The following TRPC4 variants were observed in gnomAD, a reference collection of about 807,000 sequenced individuals.
The protein encoded by TRPC4 is short transient receptor potential channel 4.
In TRPC4, 49 loss-of-function variants were observed where a neutral mutation model predicts 99.4. The observed-to-expected ratio is 0.49, with a 90% CI of 0.39 to 0.63. The LOEUF is 0.63. Ranked by LOEUF, TRPC4 falls within the 20% of genes least tolerant of loss-of-function variation. The pLI is 0.00. For synonymous variants in TRPC4, 454 were observed against 425.9 expected (o/e 1.07, Z -0.81); for missense variants, 898 against 1,152.9 (o/e 0.78, Z 3.20).
At chr13:37,833,114 T>C (rs1381723640) in intron 1 of TRPC4, among the ~76,000 whole-genome samples, 1 of 152,174 alleles carries the variant, frequency 6.6e-6, no homozygotes, top group African/African-American at 2.4e-5. Context: ...TTGGTGCTTT[T>C]GCTTCACAGA....
chr13:37,670,810 T>G (rs1398575158), intron 5 of TRPC4, among the ~76,000 whole-genome samples: 1 of 152,174 alleles, frequency 6.6e-6, no homozygotes, highest in Non-Finnish European at 1.5e-5. Flanking sequence ...CCAAAATAGA[T>G]AGTGAACTCT....
chr13:37,655,882 C>A (rs966979718), intron 6 of TRPC4, among the ~76,000 whole-genome samples: 1 of 152,034 alleles, frequency 6.6e-6, no homozygotes, highest in African/African-American at 2.4e-5. Context: ...AATGATAGAT[C>A]CCAAATTTTA....
chr13:37,821,532 T>C (rs767324325), intron 1 of TRPC4, among the ~76,000 whole-genome samples: 23 of 152,036 alleles, frequency 1.5e-4, no homozygotes, highest in Non-Finnish European at 2.4e-4. Context: ...AGAACAAAAC[T>C]GAAGGCATCA....
chr13:37,845,901 A>G (rs1566219043), intron 1 of TRPC4, among the ~76,000 whole-genome samples: 1 of 152,166 alleles, frequency 6.6e-6, no homozygotes, highest in East Asian at 1.9e-4. Flanking sequence ...ATCAAATACA[A>G]AGAAATAATA....
chr13:37,678,580 C>G (rs371179287), intron 4 of TRPC4, among the ~76,000 whole-genome samples: 1 of 151,984 alleles, frequency 6.6e-6, no homozygotes, highest in Admixed American at 6.6e-5. Flanking sequence ...CTGAATAGTC[C>G]TATAGTTATT....
chr13:37,674,808 GTTTCTTT>G, intron 4 of TRPC4, among the ~76,000 whole-genome samples: 1 of 152,098 alleles, frequency 6.6e-6, no homozygotes, highest in Non-Finnish European at 1.5e-5. Context: ...ATCTTGTTGT[GTTTCTTT>G]AAGCAGTTAG....
Position 37,657,960 on chromosome 13 carries a change from T to G in TRPC4, c.1689-2677A>C, listed in dbSNP as rs182838003. ...AAAATATATTTATTTCTCAGAGGAA[T>G]TAAGACCCTGGCCTTAGTGTTTCTC... is the stretch of plus-strand genomic sequence containing the variant. On this transcript the variant is annotated intron_variant, in intron 6 of 10. Coordinates refer to ENST00000379705, the MANE Select transcript of TRPC4 (RefSeq NM_016179.4). Among the ~76,000 whole-genome samples the G allele has an allele frequency of 3.2e-4, 48 of 152,268 alleles. No individual in the cohort carries two copies. The East Asian group carries it at 7.5e-3, about 24-fold the overall frequency.
In TRPC4 at chr13:37,789,530, C is replaced by T. The variant is rs542234189; in HGVS notation, c.-27-6170G>A. Among the ~76,000 whole-genome samples the T allele has an allele frequency of 2.6e-5, 4 of 152,176 alleles. No individual in the cohort carries two copies. The South Asian group carries it at 8.3e-4, about 32-fold the overall frequency. Reference sequence around the variant, plus strand: ...CAGCATTCAAAATTTGTAGGTGAATCAAGGAATTAATGATTATACTCTTAG... The same window carrying T: ...CAGCATTCAAAATTTGTAGGTGAATTAAGGAATTAATGATTATACTCTTAG... On this transcript the variant is annotated intron_variant, in intron 1 of 10. Transcript: ENST00000379705.
At chr13:37,710,970 T>C (rs944717467) in intron 3 of TRPC4, among the ~76,000 whole-genome samples, 14 of 152,144 alleles carry the variant, frequency 9.2e-5, no homozygotes, top group African/African-American at 3.4e-4. Context: ...AGGCAAAGGC[T>C]GATTTTGTAC....
intron 2 of TRPC4, among the ~76,000 whole-genome samples, chr13:37,758,489 T>A (rs972722047): frequency 2.6e-5 from 4 of 151,640 alleles, no homozygotes; most frequent in Non-Finnish European, 5.9e-5. Context: ...AAATTAGAAA[T>A]AAGATGGAAA....
intron 1 of TRPC4, among the ~76,000 whole-genome samples, chr13:37,785,985 T>C (rs1391819911): frequency 6.6e-6 from 1 of 152,066 alleles, no homozygotes; most frequent in Non-Finnish European, 1.5e-5. Context: ...TAGTCAGCAC[T>C]GTAATTAAGA....
At chr13:37,782,624 C>A (rs1187691622) in intron 2 of TRPC4, among the ~76,000 whole-genome samples, 1 of 152,042 alleles carries the variant, frequency 6.6e-6, no homozygotes, top group East Asian at 1.9e-4. Context: ...AACACCCACA[C>A]ATACACATAA....
At chr13:37,758,575 TAAGAAAC>T (rs1005194705) in intron 2 of TRPC4, among the ~76,000 whole-genome samples, 7 of 151,800 alleles carry the variant, frequency 4.6e-5, no homozygotes, top group Non-Finnish European at 8.9e-5. Context: ...AATAAAATAT[TAAGAAAC>T]AAGACAACCT....
chr13:37,750,469 G>A (rs1372899532), intron 2 of TRPC4, among the ~76,000 whole-genome samples: 1 of 152,170 alleles, frequency 6.6e-6, no homozygotes, highest in East Asian at 1.9e-4. Context: ...TATCAAAAAT[G>A]AGTGTTGAAT....
chr13:37,812,732 A>T (rs1957738396), intron 1 of TRPC4, among the ~76,000 whole-genome samples: 1 of 152,256 alleles, frequency 6.6e-6, no homozygotes, highest in Non-Finnish European at 1.5e-5. Context: ...TCCAAATTTG[A>T]TAATAATTGT....
chr13:37,852,626 C>A (rs954849501), intron 1 of TRPC4, among the ~76,000 whole-genome samples: 6 of 152,144 alleles, frequency 3.9e-5, no homozygotes, highest in African/African-American at 1.4e-4. Flanking sequence ...TAGGTACCAG[C>A]TTGCACACAG....
chr13:37,643,410 G>C (rs770989645), intron 8 of TRPC4, among the ~76,000 whole-genome samples: 2 of 152,182 alleles, frequency 1.3e-5, no homozygotes, highest in Non-Finnish European at 2.9e-5. Flanking sequence ...GGGAAGTGCT[G>C]TAAGTGTGAT....
chr13:37,825,397 C>G (rs986504192), intron 1 of TRPC4, among the ~76,000 whole-genome samples: 2 of 151,538 alleles, frequency 1.3e-5, no homozygotes, highest in Admixed American at 1.3e-4. Flanking sequence ...CCTGCTTTCT[C>G]TTGTGGGCAT....
At chr13:37,807,331 A>G (rs970150827) in intron 1 of TRPC4, among the ~76,000 whole-genome samples, 4 of 152,092 alleles carry the variant, frequency 2.6e-5, no homozygotes, top group African/African-American at 9.7e-5. Flanking sequence ...GATTAGAAAT[A>G]GATCATAATT....
Sources: gnomAD v4.1 joint callset for allele counts (sites outside exome capture counted in the v4.1 genomes callset) on GRCh38, gnomAD v4.1.1 for gene constraint, MANE v1.5 for transcripts, NCBI Gene and HGNC (gene_info 2026-07-23, HGNC 2026-07-21) for gene names.